CTNNA1: variants seen among roughly 807,000 people sequenced by gnomAD.
CTNNA1 encodes the protein catenin alpha-1.
In CTNNA1, 37 loss-of-function variants were observed where a neutral mutation model predicts 98.4. That is an observed-to-expected ratio of 0.38 (90% confidence interval 0.29 to 0.49). The LOEUF (loss-of-function observed/expected upper bound fraction) is 0.49. Among genes scored for constraint, CTNNA1 ranks in the 20% least tolerant of loss-of-function variants. The pLI is 0.95. For missense variants in CTNNA1, 761 were observed against 1,147.2 expected (o/e 0.66, Z 4.86); for synonymous variants, 404 against 413.2 (o/e 0.98, Z 0.27).
chr5:138,805,584 T>C (rs1758005134), intron 3 of CTNNA1, among the ~76,000 whole-genome samples: 1 of 152,056 alleles, frequency 6.6e-6, no homozygotes, highest in Non-Finnish European at 1.5e-5. Flanking sequence ...ATCCTTTGCC[T>C]ATTTTAAGTT....
At chr5:138,772,563 T>G (rs1412639675) in intron 1 of CTNNA1, among the ~76,000 whole-genome samples, 1 of 152,170 alleles carries the variant, frequency 6.6e-6, no homozygotes, top group Non-Finnish European at 1.5e-5. Context: ...TATTTGCAAA[T>G]TATGTTGCAT....
chr5:138,784,495 T>C (rs148498983), intron 3 of CTNNA1, among the ~76,000 whole-genome samples: 1 of 152,328 alleles, frequency 6.6e-6, no homozygotes, highest in East Asian at 1.9e-4. Context: ...TAACCTTCAA[T>C]GGTAAATATT....
chr5:138,761,357 C>A (rs1041804957), intron 1 of CTNNA1, among the ~76,000 whole-genome samples: 1 of 152,088 alleles, frequency 6.6e-6, no homozygotes, highest in African/African-American at 2.4e-5. Context: ...GCCTCAGCTT[C>A]CTGAGTAGCT....
At chr5:138,787,568 C>T (rs559043736) in intron 3 of CTNNA1, among the ~76,000 whole-genome samples, 1 of 152,286 alleles carries the variant, frequency 6.6e-6, no homozygotes, top group South Asian at 2.1e-4. Context: ...AGTTTGCTAA[C>T]CCTGATATAG....
chr5:138,844,724 T>A (rs1211956412), intron 7 of CTNNA1, among the ~76,000 whole-genome samples: 1 of 152,168 alleles, frequency 6.6e-6, no homozygotes, highest in Non-Finnish European at 1.5e-5. Flanking sequence ...TTTTAAAAAA[T>A]TACCTATTAT....
chr5:138,814,759 T>TTTA (rs1561553562), intron 5 of CTNNA1, among the ~76,000 whole-genome samples: 1 of 151,334 alleles, frequency 6.6e-6, no homozygotes, highest in African/African-American at 2.5e-5. Context: ...TGGGTTTTTT[T>TTTA]TTGTTTTTTT....
In CTNNA1 at chr5:138,925,392, A is replaced by G. The variant is rs1763800161; in HGVS notation, c.1884A>G (p.Ala628=). ...VYDGIRDIRK[A]VLMIRTPEEL... ...ATGGCATCCGGGACATCAGGAAAGC[A>G]GTGCTGATGATAAGGGTGAGTAACT... The change falls in exon 13 of 18, where the codon GCA becomes GCG. Residue 628 remains alanine, a synonymous_variant. Coordinates refer to ENST00000302763, the MANE Select transcript of CTNNA1 (RefSeq NM_001903.5). 6.2e-7 allele frequency: 1 copy of G among 1,614,182 alleles called. No individual in the cohort carries two copies. The highest frequency in any genetic ancestry group is 2.2e-5 in the East Asian group (1 of 44,884).
intron 8 of CTNNA1, 21 bp downstream of exon 8, chr5:138,886,313 G>T: frequency 6.4e-7 from 1 of 1,562,626 alleles, no homozygotes; most frequent in South Asian, 1.2e-5. Flanking sequence ...TGAAAGTGCT[G>T]ATTGTTTTTC....
At chr5:138,802,411 C>G (rs941830050) in intron 3 of CTNNA1, among the ~76,000 whole-genome samples, 1 of 152,018 alleles carries the variant, frequency 6.6e-6, no homozygotes, top group African/African-American at 2.4e-5. Flanking sequence ...TGGGCTCAAT[C>G]GATTCTCCTA....
At chr5:138,823,914 G>A (rs952825945) in intron 5 of CTNNA1, among the ~76,000 whole-genome samples, 14 of 117,744 alleles carry the variant, frequency 1.2e-4, no homozygotes, top group East Asian at 7.5e-4. Context: ...CCGAGATCCC[G>A]CCACTGCACT....
At chr5:138,803,536 A>G (rs1476366961) in intron 3 of CTNNA1, among the ~76,000 whole-genome samples, 1 of 152,176 alleles carries the variant, frequency 6.6e-6, no homozygotes, top group African/African-American at 2.4e-5. Context: ...AACTCCCAGA[A>G]AGCCACTTGT....
intron 13 of CTNNA1, among the ~76,000 whole-genome samples, chr5:138,927,013 C>T (rs2150309637): frequency 6.6e-6 from 1 of 152,334 alleles, no homozygotes; most frequent in South Asian, 2.1e-4. Context: ...CCATACCTCA[C>T]ATCTGCTTTA....
intron 5 of CTNNA1, among the ~76,000 whole-genome samples, chr5:138,817,776 T>G (rs1759581173): frequency 6.6e-6 from 1 of 152,222 alleles, no homozygotes; most frequent in Non-Finnish European, 1.5e-5. Flanking sequence ...TTTCTGTTGG[T>G]TCTTCTTCAT....
At chr5:138,827,455 A>G in intron 6 of CTNNA1, 60 bp from the exon 7 acceptor site, 1 of 1,571,102 alleles carries the variant, frequency 6.4e-7, no homozygotes, top group South Asian at 1.1e-5. Flanking sequence ...CACTTTTCTC[A>G]CCTTGAATAA....
chr5:138,869,461 C>T (rs771127674), intron 7 of CTNNA1: 5 of 150,814 alleles, frequency 3.3e-5, no homozygotes, highest in African/African-American at 4.9e-5. Flanking sequence ...ATAGGTCTGT[C>T]GCTGTATTCC....
intron 1 of CTNNA1, among the ~76,000 whole-genome samples, chr5:138,779,716 T>G (rs1297323566): frequency 7.2e-5 from 5 of 69,198 alleles, no homozygotes; most frequent in East Asian, 9.4e-3. Context: ...GGTTTTTTTT[T>G]GTTTTTGTTT....
chr5:138,757,967 T>G (rs2149569382), intron 1 of CTNNA1, among the ~76,000 whole-genome samples: 1 of 152,222 alleles, frequency 6.6e-6, no homozygotes, highest in East Asian at 1.9e-4. Flanking sequence ...ATCCTCTCCA[T>G]GCAGTCCTCA....
intron 10 of CTNNA1, among the ~76,000 whole-genome samples, chr5:138,908,444 G>T (rs1759770058): frequency 6.6e-6 from 1 of 152,152 alleles, no homozygotes; most frequent in South Asian, 2.1e-4. Context: ...AAGGTCGGGG[G>T]ATCATTTGAA....
At chr5:138,849,993 C>A (rs1408190913) in intron 7 of CTNNA1, among the ~76,000 whole-genome samples, 1 of 152,044 alleles carries the variant, frequency 6.6e-6, no homozygotes, top group Non-Finnish European at 1.5e-5. Flanking sequence ...CAATAAAACA[C>A]ACACACACAC....
Sources: gnomAD v4.1 joint callset for allele counts (sites outside exome capture counted in the v4.1 genomes callset) on GRCh38, gnomAD v4.1.1 for gene constraint, MANE v1.5 for transcripts, NCBI Gene and HGNC (gene_info 2026-07-23, HGNC 2026-07-21) for gene names.